Variants in KALRN observed in about 807,000 individuals in gnomAD.
The protein encoded by KALRN is kalirin RhoGEF kinase, also known as kalirin.
KALRN carries 70 observed loss-of-function variants against 353.7 expected under a neutral mutation model. The observed-to-expected ratio is 0.20, with a 90% CI of 0.16 to 0.24. The LOEUF is 0.24. Among genes scored for constraint, KALRN ranks in the 10% least tolerant of loss-of-function variants. The probability of loss-of-function intolerance (pLI) is 1.00; values close to 1 mark genes in which losing one functional copy is unlikely to be tolerated. For synonymous variants in KALRN, 1,391 were observed against 1,434.8 expected (o/e 0.97, Z 0.69); for missense variants, 2,791 against 3,756.7 (o/e 0.74, Z 6.72).
intron 13 of KALRN, among the ~76,000 whole-genome samples, chr3:124,403,204 G>A (rs1294161050): frequency 6.6e-6 from 1 of 152,168 alleles, no homozygotes; most frequent in Non-Finnish European, 1.5e-5. Flanking sequence ...TGAGACTCCA[G>A]CACCAGTCTA....
chr3:124,183,251 A>G (rs2073840550), intron 1 of KALRN, among the ~76,000 whole-genome samples: 1 of 152,186 alleles, frequency 6.6e-6, no homozygotes, highest in African/African-American at 2.4e-5. Flanking sequence ...TTAATTTATA[A>G]GAAAGGAGGT....
intron 1 of KALRN, chr3:124,152,355 G>A (rs2068232856): frequency 1.7e-6 from 2 of 1,199,864 alleles, no homozygotes; most frequent in East Asian, 4.7e-5. Flanking sequence ...TTTGACGAAG[G>A]CGAAGAAGCT....
chr3:124,707,288 C>G (rs981502980), intron 57 of KALRN, among the ~76,000 whole-genome samples: 7 of 152,118 alleles, frequency 4.6e-5, no homozygotes, highest in Non-Finnish European at 1.0e-4. Context: ...GATCGCACCA[C>G]TGCATTCCAG....
intron 34 of KALRN, among the ~76,000 whole-genome samples, chr3:124,619,126 C>T (rs1578389125): frequency 1.4e-5 from 2 of 146,716 alleles, no homozygotes. Flanking sequence ...GTATATTTGA[C>T]TTTTTTTTTT....
chr3:124,153,753 A>AT (rs1332122377), intron 1 of KALRN, among the ~76,000 whole-genome samples: 5 of 151,644 alleles, frequency 3.3e-5, no homozygotes, highest in African/African-American at 1.2e-4. Context: ...AAGTGTTCCT[A>AT]TTTCTCCACA....
chr3:124,056,799 T>C (rs2041589854), intron 1 of KALRN, among the ~76,000 whole-genome samples: 1 of 152,192 alleles, frequency 6.6e-6, no homozygotes, highest in African/African-American at 2.4e-5. Context: ...AATTACAGTA[T>C]CCTTAGTTTA....
chr3:124,202,662 T>C (rs2076061357), intron 1 of KALRN, among the ~76,000 whole-genome samples: 1 of 152,136 alleles, frequency 6.6e-6, no homozygotes, highest in African/African-American at 2.4e-5. Flanking sequence ...CTATCCACCC[T>C]TCCAGCCTGC....
At chr3:124,551,693 C>G (rs2070553191) in intron 33 of KALRN, among the ~76,000 whole-genome samples, 1 of 152,230 alleles carries the variant, frequency 6.6e-6, no homozygotes, top group Admixed American at 6.5e-5. Context: ...AAGAGCCAAT[C>G]ACTTTCTGAG....
intron 1 of KALRN, among the ~76,000 whole-genome samples, chr3:124,224,242 A>G (rs1456562558): frequency 1.5e-5 from 2 of 131,118 alleles, no homozygotes; most frequent in Admixed American, 8.3e-5. Flanking sequence ...TTTTTTTTTT[A>G]GATGGAAACA....
chr3:124,639,009 T>A (rs2081698893), intron 37 of KALRN, among the ~76,000 whole-genome samples: 1 of 152,244 alleles, frequency 6.6e-6, no homozygotes, highest in Admixed American at 6.5e-5. Context: ...CACACTTACC[T>A]AATATTCTGA....
chr3:124,485,556 G>A (rs1285910995), intron 28 of KALRN, among the ~76,000 whole-genome samples: 1 of 152,174 alleles, frequency 6.6e-6, no homozygotes, highest in Non-Finnish European at 1.5e-5. Context: ...GAATTTGATT[G>A]TGAGGAAGTC....
chr3:124,292,291 C>A (rs950377698), intron 5 of KALRN, among the ~76,000 whole-genome samples: 2 of 152,188 alleles, frequency 1.3e-5, no homozygotes, highest in African/African-American at 4.8e-5. Flanking sequence ...GGACCTTGCC[C>A]TCCTACTAAA....
At chr3:124,443,011 G>GA (rs1328884479) in intron 19 of KALRN, among the ~76,000 whole-genome samples, 1 of 151,848 alleles carries the variant, frequency 6.6e-6, no homozygotes, top group African/African-American at 2.4e-5. Context: ...AGAAAAAAAA[G>GA]AAAAAAAGAA....
At chr3:124,384,692 G>T in intron 10 of KALRN, 153 bp from the exon 11 acceptor site, 4 of 630,288 alleles carry the variant, frequency 6.3e-6, no homozygotes, top group Non-Finnish European at 1.0e-5. Flanking sequence ...CTGAGAGGCG[G>T]CGTGCCAGCT....
At chr3:124,379,953 C>T (rs145932205) in intron 10 of KALRN, among the ~76,000 whole-genome samples, 1 of 152,122 alleles carries the variant, frequency 6.6e-6, no homozygotes, top group East Asian at 1.9e-4. Flanking sequence ...CATCTCATTA[C>T]GTATTGGTTT....
chr3:124,456,750 G>A, intron 23 of KALRN, 22 bp downstream of exon 23: 3 of 1,557,756 alleles, frequency 1.9e-6, no homozygotes, highest in South Asian at 1.1e-5. Flanking sequence ...CTTCCGCCCA[G>A]CTAGCTGGCT....
At chr3:124,236,483 A>G (rs1400606207) in intron 3 of KALRN, among the ~76,000 whole-genome samples, 2 of 152,196 alleles carry the variant, frequency 1.3e-5, no homozygotes, top group Non-Finnish European at 2.9e-5. Context: ...GCAATTTACA[A>G]TAGAAGTTTT....
chr3:124,464,636 G>A lies in KALRN; in HGVS notation c.4031+2003G>A, dbSNP rs141518083. Among the ~76,000 whole-genome samples, 131 of 152,098 alleles carry A rather than the reference G, an allele frequency of 8.6e-4. 1 individual carries two copies. The East Asian group carries it at 0.014, about 16-fold the overall frequency. On this transcript the variant is annotated intron_variant, in intron 25 of 59. Coordinates refer to ENST00000682506, the MANE Select transcript of KALRN (RefSeq NM_001388419.1). ...AGAAAGAAAAAGAAAATAACAACTAGCCTCTCAACAACCAGAGAAGATGCC... is the reference window on the plus strand; with the variant it reads ...AGAAAGAAAAAGAAAATAACAACTAACCTCTCAACAACCAGAGAAGATGCC...
chr3:124,706,790 A>G (rs1006764374), intron 57 of KALRN, among the ~76,000 whole-genome samples: 11 of 150,924 alleles, frequency 7.3e-5, no homozygotes, highest in African/African-American at 2.7e-4. Context: ...GGCTGATCTC[A>G]AACTCTTGAC....
Sources: allele counts gnomAD v4.1 joint callset (sites outside exome capture counted in the v4.1 genomes callset), GRCh38; gene constraint gnomAD v4.1.1; transcripts MANE v1.5; gene names NCBI Gene and HGNC (gene_info 2026-07-23, HGNC 2026-07-21).